Variants in PRDM6 observed in about 807,000 individuals in gnomAD.
The protein encoded by PRDM6 is putative histone-lysine N-methyltransferase PRDM6.
In PRDM6, 25 loss-of-function variants were observed where a neutral mutation model predicts 60.8. That is an observed-to-expected ratio of 0.41 (90% CI 0.30 to 0.57). The LOEUF is 0.57. PRDM6 is among the 20% of genes least tolerant of loss of function. The probability of loss-of-function intolerance (pLI) is 0.27; values close to 1 mark genes in which losing one functional copy is unlikely to be tolerated. For missense variants in PRDM6, 839 were observed against 821.3 expected (o/e 1.02, Z -0.26); for synonymous variants, 407 against 357.4 (o/e 1.14, Z -1.57).
In PRDM6 at chr5:123,189,692, A is replaced by T. The variant is rs1480756916; in HGVS notation, c.*2491A>T. 6.6e-6 allele frequency: 1 copy of T among 152,230 alleles called. No homozygotes were observed. Among genetic ancestry groups the T allele is most frequent in the Non-Finnish European group, 1.5e-5 (1 of 68,038 alleles). 9.4% of individuals were successfully genotyped at this position (152,230 alleles called of 1,614,324 possible). ...TTGGTCAGAAAATATTTTCTGCCTA[A>T]CAAATAGAAAATTGGATACTCTAAT... On this transcript the variant is annotated 3_prime_UTR_variant, in exon 8 of 8. Transcript: ENST00000407847.
intron 2 of PRDM6, among the ~76,000 whole-genome samples, chr5:123,095,609 G>T (rs1763938080): frequency 6.6e-6 from 1 of 152,246 alleles, no homozygotes; most frequent in South Asian, 2.1e-4. Context: ...CGGCCTGCGA[G>T]ACTGAGGGCC....
chr5:123,101,661 T>A (rs1764106762), intron 3 of PRDM6, among the ~76,000 whole-genome samples: 1 of 152,230 alleles, frequency 6.6e-6, no homozygotes, highest in Non-Finnish European at 1.5e-5. Flanking sequence ...CTTTGATGCC[T>A]ATCTATTTTT....
chr5:123,092,227 T>A (rs1763857896), intron 2 of PRDM6, among the ~76,000 whole-genome samples: 1 of 152,246 alleles, frequency 6.6e-6, no homozygotes, highest in Non-Finnish European at 1.5e-5. Context: ...ATTTCTTGAA[T>A]GTGTGTTTTT....
chr5:123,131,553 A>G (rs1764835075), intron 3 of PRDM6, among the ~76,000 whole-genome samples: 1 of 152,218 alleles, frequency 6.6e-6, no homozygotes, highest in African/African-American at 2.4e-5. Flanking sequence ...TGCACATACT[A>G]TCCACCTTAA....
At chr5:123,102,253 A>G (rs1315167066) in intron 3 of PRDM6, among the ~76,000 whole-genome samples, 2 of 152,224 alleles carry the variant, frequency 1.3e-5, no homozygotes, top group Admixed American at 1.3e-4. Flanking sequence ...AAAATAAAAT[A>G]CTTACTTTAT....
chr5:123,180,412 C>T (rs1766122850), intron 7 of PRDM6, 89 bp downstream of exon 7: 1 of 1,327,734 alleles, frequency 7.5e-7, no homozygotes, highest in Non-Finnish European at 1.0e-6. Flanking sequence ...CCTGGCTTAG[C>T]CAGCTGGCAC....
At chr5:123,127,481 C>T (rs1375512167) in intron 3 of PRDM6, among the ~76,000 whole-genome samples, 1 of 152,088 alleles carries the variant, frequency 6.6e-6, no homozygotes, top group African/African-American at 2.4e-5. Context: ...TGTGTAGCAT[C>T]GTTGAGAGAA....
At chr5:123,122,970 G>A (rs1277193692) in intron 3 of PRDM6, among the ~76,000 whole-genome samples, 1 of 152,104 alleles carries the variant, frequency 6.6e-6, no homozygotes, top group Non-Finnish European at 1.5e-5. Flanking sequence ...CCCCTGGAAT[G>A]GAAATCCTTA....
chr5:123,107,451 T>C (rs1580482425), intron 3 of PRDM6, among the ~76,000 whole-genome samples: 1 of 152,336 alleles, frequency 6.6e-6, no homozygotes, highest in East Asian at 1.9e-4. Context: ...TGGTGCTTTA[T>C]CACTAGCCAC....
chr5:123,106,126 C>T (rs1214454836), intron 3 of PRDM6, among the ~76,000 whole-genome samples: 2 of 152,152 alleles, frequency 1.3e-5, no homozygotes, highest in African/African-American at 4.8e-5. Flanking sequence ...AATCAGTGCA[C>T]CATAAATGTC....
At chr5:123,123,540 C>G (rs1357808109) in intron 3 of PRDM6, among the ~76,000 whole-genome samples, 1 of 152,098 alleles carries the variant, frequency 6.6e-6, no homozygotes, top group African/African-American at 2.4e-5. Flanking sequence ...TAAAATAAAT[C>G]CAAAACAAAT....
At chr5:123,160,697 T>A (rs1448265905) in intron 5 of PRDM6, among the ~76,000 whole-genome samples, 1 of 152,224 alleles carries the variant, frequency 6.6e-6, no homozygotes. Context: ...AGAAAAATCG[T>A]CAAAAAGCCT....
chr5:123,146,446 C>G (rs1157560546), intron 3 of PRDM6, among the ~76,000 whole-genome samples: 2 of 152,140 alleles, frequency 1.3e-5, no homozygotes, highest in African/African-American at 4.8e-5. Flanking sequence ...TCAGTTCACA[C>G]TACTATTATT....
chr5:123,176,493 T>C (rs904078678), intron 6 of PRDM6, among the ~76,000 whole-genome samples: 2 of 152,110 alleles, frequency 1.3e-5, no homozygotes, highest in South Asian at 4.1e-4. Context: ...GGCAGATCAC[T>C]TGAGCCCAGA....
intron 3 of PRDM6, among the ~76,000 whole-genome samples, chr5:123,128,579 G>A (rs536577392): frequency 5.1e-4 from 78 of 152,308 alleles, no homozygotes; most frequent in African/African-American, 1.7e-3. Context: ...TTTGAGAAGT[G>A]TCTGTTCATA....
intron 4 of PRDM6, among the ~76,000 whole-genome samples, chr5:123,157,912 C>T (rs1765541883): frequency 6.6e-6 from 1 of 152,248 alleles, no homozygotes; most frequent in African/African-American, 2.4e-5. Flanking sequence ...ATGAAGCTAT[C>T]TTTATGAGTC....
chr5:123,106,581 T>C (rs1453589316), intron 3 of PRDM6, among the ~76,000 whole-genome samples: 2 of 152,208 alleles, frequency 1.3e-5, no homozygotes, highest in East Asian at 3.9e-4. Flanking sequence ...TCCACAAAGA[T>C]ACAGACACAA....
At chr5:123,122,053 C>T (rs145718695) in intron 3 of PRDM6, among the ~76,000 whole-genome samples, 1 of 146,820 alleles carries the variant, frequency 6.8e-6, no homozygotes, top group Non-Finnish European at 1.5e-5. Flanking sequence ...ATCCCAGCTA[C>T]TAGGGAGGCT....
At chr5:123,174,911 T>C (rs1561880447) in intron 6 of PRDM6, among the ~76,000 whole-genome samples, 1 of 152,240 alleles carries the variant, frequency 6.6e-6, no homozygotes, top group East Asian at 1.9e-4. Context: ...AATCTCTTCC[T>C]CCTTTTTCCC....
Sources: allele counts gnomAD v4.1 joint callset (sites outside exome capture counted in the v4.1 genomes callset), GRCh38; gene constraint gnomAD v4.1.1; transcripts MANE v1.5; gene names NCBI Gene and HGNC (gene_info 2026-07-23, HGNC 2026-07-21).